The following PIK3CB variants were observed in gnomAD, a reference collection of about 807,000 sequenced individuals.
PIK3CB encodes phosphatidylinositol 4,5-bisphosphate 3-kinase catalytic subunit beta isoform.
In PIK3CB, 39 loss-of-function variants were observed where a neutral mutation model predicts 136.8. The observed-to-expected ratio is 0.29, with a 90% CI of 0.22 to 0.37. PIK3CB has a LOEUF of 0.37. Among genes scored for constraint, PIK3CB ranks in the 10% least tolerant of loss-of-function variants. The pLI is 1.00. For synonymous variants in PIK3CB, 428 were observed against 436.6 expected, an observed-to-expected ratio of 0.98 and a Z score of 0.25; for missense variants, 868 against 1,275.4, an observed-to-expected ratio of 0.68 and a Z score of 4.87.
chr3:138,822,198 G>T (rs1933588062), intron 1 of PIK3CB, among the ~76,000 whole-genome samples: 1 of 151,794 alleles, frequency 6.6e-6, no homozygotes, highest in East Asian at 1.9e-4. Context: ...AAATTTAAGG[G>T]GAATGATAAC....
At chr3:138,662,428 A>G (rs2043316019) in intron 21 of PIK3CB, among the ~76,000 whole-genome samples, 1 of 150,486 alleles carries the variant, frequency 6.6e-6, no homozygotes, top group African/African-American at 2.5e-5. Context: ...ATGTCCCTAC[A>G]AAGGACATGA....
intron 8 of PIK3CB, among the ~76,000 whole-genome samples, chr3:138,720,250 C>T (rs528492579): frequency 2.2e-3 from 328 of 152,288 alleles, no homozygotes; most frequent in Non-Finnish European, 4.1e-3. Flanking sequence ...TTCACCACAC[C>T]CTAGCACCTC....
chr3:138,830,903 A>AAATAATAATAAT (rs373908245), intron 1 of PIK3CB, among the ~76,000 whole-genome samples: 116 of 136,974 alleles, frequency 8.5e-4, no homozygotes, highest in East Asian at 1.5e-3. Flanking sequence ...CTCCGTCTCA[A>AAATAATAATAAT]AATAATAATA....
intron 4 of PIK3CB, among the ~76,000 whole-genome samples, chr3:138,749,444 T>A (rs2045425011): frequency 6.6e-6 from 1 of 152,170 alleles, no homozygotes; most frequent in Non-Finnish European, 1.5e-5. Flanking sequence ...ACAACCTAAA[T>A]AATCTTTCTA....
intron 2 of PIK3CB, among the ~76,000 whole-genome samples, chr3:138,763,836 G>T (rs1165094713): frequency 6.6e-6 from 1 of 152,216 alleles, no homozygotes; most frequent in Non-Finnish European, 1.5e-5. Flanking sequence ...ATGAAGGCCA[G>T]GCGCGCTGGC....
Position 138,653,638 on chromosome 3 carries a change from A to C in PIK3CB, c.*1751T>G, listed in dbSNP as rs546847900. 1.1e-5 allele frequency: 2 copies of C among 184,422 alleles called. No individual in the cohort carries two copies. Among genetic ancestry groups the C allele is most frequent in the South Asian group, 3.9e-4 (2 of 5,106 alleles). The allele number at this position is 184,422 out of a possible 1,614,324, so 11.4% of individuals were successfully genotyped here. Reference sequence around the variant, plus strand: ...CTGGAAGTCTCAGTGAGTCTACACCAGCCCTGGAAATGAGGAATTCAGGGG... The same window carrying C: ...CTGGAAGTCTCAGTGAGTCTACACCCGCCCTGGAAATGAGGAATTCAGGGG... On this transcript the variant is annotated 3_prime_UTR_variant, in exon 24 of 24. Coordinates refer to ENST00000674063, the MANE Select transcript of PIK3CB (RefSeq NM_006219.3).
At chr3:138,729,309 A>G (rs2044916928) in intron 8 of PIK3CB, among the ~76,000 whole-genome samples, 1 of 151,994 alleles carries the variant, frequency 6.6e-6, no homozygotes, top group Non-Finnish European at 1.5e-5. Context: ...GTCTACTATA[A>G]TGGTTAATTT....
At chr3:138,721,729 C>G (rs2044730318) in intron 8 of PIK3CB, among the ~76,000 whole-genome samples, 1 of 152,166 alleles carries the variant, frequency 6.6e-6, no homozygotes, top group African/African-American at 2.4e-5. Flanking sequence ...AATTTGGTCT[C>G]TTCTAGAATG....
At chr3:138,671,806 C>T (rs1012627510) in intron 19 of PIK3CB, among the ~76,000 whole-genome samples, 6 of 152,262 alleles carry the variant, frequency 3.9e-5, no homozygotes, top group Non-Finnish European at 7.3e-5. Flanking sequence ...TTATTCCTGA[C>T]GCAAGTCCTG....
At position 138,696,323 on chromosome 3, in the gene PIK3CB, C is replaced by G. The variant is rs942979114; in HGVS notation, c.1771-1416G>C. ...TCAGCCTCCTGAGTAGCTAGGACTA[C>G]AGGAACACGCCACCATGCCCAGCTA... On this transcript the variant is annotated intron_variant, in intron 13 of 23. Coordinates refer to ENST00000674063, the MANE Select transcript of PIK3CB (RefSeq NM_006219.3). Among the ~76,000 whole-genome samples, 3 of 151,814 alleles carry G rather than the reference C, an allele frequency of 2.0e-5. No individual in the cohort carries two copies. The East Asian group carries it at 5.8e-4, about 30-fold the overall frequency.
intron 17 of PIK3CB, among the ~76,000 whole-genome samples, chr3:138,684,105 A>T (rs1003004840): frequency 5.9e-5 from 9 of 152,262 alleles, no homozygotes; most frequent in African/African-American, 2.2e-4. Context: ...AAATTAGAAC[A>T]AATCATTGGA....
chr3:138,692,746 A>G (rs944145828), intron 14 of PIK3CB, among the ~76,000 whole-genome samples: 1 of 152,150 alleles, frequency 6.6e-6, no homozygotes, highest in African/African-American at 2.4e-5. Flanking sequence ...TATCCACACT[A>G]TTTTGTGGGC....
At chr3:138,812,008 T>C (rs1933086154) in intron 1 of PIK3CB, among the ~76,000 whole-genome samples, 1 of 152,070 alleles carries the variant, frequency 6.6e-6, no homozygotes, top group African/African-American at 2.4e-5. Flanking sequence ...AGAGGATTGC[T>C]TGAGCTCAAG....
chr3:138,693,981 T>TATAC (rs2044079742), intron 14 of PIK3CB, among the ~76,000 whole-genome samples: 1 of 104,728 alleles, frequency 9.5e-6, no homozygotes, highest in African/African-American at 3.4e-5. Flanking sequence ...TATATATATA[T>TATAC]ATATATATAT....
intron 14 of PIK3CB, 71 bp downstream of exon 14, chr3:138,694,715 A>G: frequency 6.6e-7 from 1 of 1,506,272 alleles, no homozygotes; most frequent in South Asian, 1.2e-5. Context: ...ATGAGACATC[A>G]AGGAGACACC....
chr3:138,831,053 C>G (rs1576438989), intron 1 of PIK3CB, among the ~76,000 whole-genome samples: 1 of 146,246 alleles, frequency 6.8e-6, no homozygotes, highest in African/African-American at 2.5e-5. Flanking sequence ...GAGGCCAAGG[C>G]GGGCGGATCA....
chr3:138,829,894 G>A (rs1323875182), intron 1 of PIK3CB, among the ~76,000 whole-genome samples: 1 of 152,144 alleles, frequency 6.6e-6, no homozygotes, highest in African/African-American at 2.4e-5. Flanking sequence ...AAATGAAGGT[G>A]TCATGTAGGC....
At chr3:138,733,708 C>T (rs1007739996) in intron 7 of PIK3CB, among the ~76,000 whole-genome samples, 6 of 152,064 alleles carry the variant, frequency 3.9e-5, no homozygotes, top group African/African-American at 1.4e-4. Context: ...GAAACCCCGT[C>T]TCTACTAAAA....
intron 1 of PIK3CB, among the ~76,000 whole-genome samples, chr3:138,808,240 A>T (rs1000972577): frequency 1.4e-4 from 22 of 152,154 alleles, no homozygotes; most frequent in Non-Finnish European, 3.1e-4. Flanking sequence ...CCATCCAAGA[A>T]ATTAAAGGGG....
Sources: gnomAD v4.1 joint callset for allele counts (sites outside exome capture counted in the v4.1 genomes callset) on GRCh38, gnomAD v4.1.1 for gene constraint, MANE v1.5 for transcripts, NCBI Gene and HGNC (gene_info 2026-07-23, HGNC 2026-07-21) for gene names.